OXR1: variants seen among roughly 807,000 people sequenced by gnomAD.
OXR1 encodes oxidation resistance 1.
Under a neutral mutation model 104.6 loss-of-function variants are expected in OXR1, and 41 were observed. The ratio of observed to expected loss-of-function variants is 0.39; its 90% confidence interval spans 0.31 to 0.51. The LOEUF is 0.51. Among genes scored for constraint, OXR1 ranks in the 20% least tolerant of loss-of-function variants. The pLI is 0.77. For synonymous variants in OXR1, 348 were observed against 348.4 expected, an observed-to-expected ratio of 1.00 and a Z score of 0.01; for missense variants, 955 against 1,031.9, an observed-to-expected ratio of 0.93 and a Z score of 1.02.
intron 1 of OXR1, among the ~76,000 whole-genome samples, chr8:106,355,970 AT>A (rs1347288607): frequency 1.4e-4 from 22 of 152,160 alleles, no homozygotes; most frequent in African/African-American, 5.1e-4. Flanking sequence ...ATTCCATATT[AT>A]TGCAATAGAG....
At chr8:106,568,337 A>C (rs1194191486) in intron 3 of OXR1, among the ~76,000 whole-genome samples, 1 of 152,152 alleles carries the variant, frequency 6.6e-6, no homozygotes, top group African/African-American at 2.4e-5. Context: ...TTCACTTATC[A>C]AGTCCTCAAT....
intron 1 of OXR1, among the ~76,000 whole-genome samples, chr8:106,274,681 G>A (rs1485182179): frequency 1.4e-5 from 2 of 139,608 alleles, no homozygotes; most frequent in African/African-American, 5.5e-5. Flanking sequence ...ATGGGGATTT[G>A]TACCTGTCTT....
chr8:106,500,619 C>T (rs1389283152), intron 2 of OXR1, among the ~76,000 whole-genome samples: 1 of 152,190 alleles, frequency 6.6e-6, no homozygotes, highest in African/African-American at 2.4e-5. Context: ...CCTTCTACAA[C>T]TTGGTGTCTG....
chr8:106,624,487 G>A (rs1320304971), intron 3 of OXR1, among the ~76,000 whole-genome samples: 3 of 152,092 alleles, frequency 2.0e-5, no homozygotes, highest in African/African-American at 4.8e-5. Flanking sequence ...AAGCCAGGTG[G>A]TAGAAATTAA....
intron 2 of OXR1, among the ~76,000 whole-genome samples, chr8:106,506,323 G>A (rs931758030): frequency 1.3e-5 from 2 of 152,272 alleles, no homozygotes; most frequent in East Asian, 1.9e-4. Context: ...GGTAAAAACA[G>A]AGAGTTTTGG....
At chr8:106,707,969 AT>A (rs1831306136) in intron 9 of OXR1, among the ~76,000 whole-genome samples, 1 of 152,192 alleles carries the variant, frequency 6.6e-6, no homozygotes, top group African/African-American at 2.4e-5. Context: ...TAACGTAAAT[AT>A]ATTATTTGAA....
At chr8:106,447,744 A>G (rs997008239) in intron 2 of OXR1, among the ~76,000 whole-genome samples, 1 of 152,172 alleles carries the variant, frequency 6.6e-6, no homozygotes, top group African/African-American at 2.4e-5. Context: ...TTTCTCACAT[A>G]CATATCTGAA....
chr8:106,478,772 A>T (rs1402423093), intron 2 of OXR1, among the ~76,000 whole-genome samples: 3 of 151,844 alleles, frequency 2.0e-5, no homozygotes. Flanking sequence ...CTTGCTTTTC[A>T]TTATAAACCC....
chr8:106,587,765 G>A (rs536416376), intron 3 of OXR1, among the ~76,000 whole-genome samples: 1 of 152,064 alleles, frequency 6.6e-6, no homozygotes, highest in African/African-American at 2.4e-5. Flanking sequence ...TTTTTCTTAA[G>A]GGTATAGACT....
intron 2 of OXR1, among the ~76,000 whole-genome samples, chr8:106,424,667 G>T (rs988052063): frequency 6.6e-6 from 1 of 152,060 alleles, no homozygotes; most frequent in Admixed American, 6.6e-5. Flanking sequence ...GGACCATGGG[G>T]TATGTAAAAT....
intron 2 of OXR1, among the ~76,000 whole-genome samples, chr8:106,461,312 C>T (rs889780917): frequency 1.3e-5 from 2 of 152,088 alleles, no homozygotes; most frequent in African/African-American, 4.8e-5. Flanking sequence ...TGGCTCATGC[C>T]TATAATCCCA....
intron 2 of OXR1, among the ~76,000 whole-genome samples, chr8:106,361,956 A>G (rs1816263658): frequency 6.6e-6 from 1 of 152,206 alleles, no homozygotes; most frequent in Non-Finnish European, 1.5e-5. Context: ...TTTGGCTGAT[A>G]ACCATATAAT....
chr8:106,714,193 A>C (rs1467273447), intron 11 of OXR1, among the ~76,000 whole-genome samples: 1 of 152,070 alleles, frequency 6.6e-6, no homozygotes, highest in African/African-American at 2.4e-5. Context: ...GCTTTAAAAT[A>C]CTAGAAAACC....
At chr8:106,566,133 T>C (rs1001306319) in intron 3 of OXR1, among the ~76,000 whole-genome samples, 3 of 152,144 alleles carry the variant, frequency 2.0e-5, no homozygotes, top group Admixed American at 2.0e-4. Flanking sequence ...TGGGATCTAA[T>C]TAAACTAAAG....
chr8:106,591,842 C>T (rs571029592), intron 3 of OXR1, among the ~76,000 whole-genome samples: 2 of 152,306 alleles, frequency 1.3e-5, no homozygotes, highest in East Asian at 3.9e-4. Context: ...TGAAAACATC[C>T]GTTCTTTATC....
chr8:106,368,218 T>C (rs1816558472), intron 2 of OXR1, among the ~76,000 whole-genome samples: 1 of 152,144 alleles, frequency 6.6e-6, no homozygotes, highest in Non-Finnish European at 1.5e-5. Flanking sequence ...ATTCATATTG[T>C]ATCCTTAATA....
In OXR1 at chr8:106,493,490, C is replaced by A. The variant is rs1482338033; in HGVS notation, c.24-25453C>A. On this transcript the variant is annotated intron_variant, in intron 2 of 16. Coordinates refer to ENST00000517566, the MANE Select transcript of OXR1 (RefSeq NM_001198533.2). Reference sequence around the variant, plus strand: ...AAAATGCACTCCCACCAAATCAGAACCTCTGAGGATGGGCCCCAGGAATAA... The same window carrying A: ...AAAATGCACTCCCACCAAATCAGAAACTCTGAGGATGGGCCCCAGGAATAA... 2.1e-5 allele frequency among the ~76,000 whole-genome samples: 3 copies of A among 145,986 alleles called. No individual in the cohort carries two copies. In the Admixed American group the frequency reaches 2.1e-4, roughly 10 times the overall value.
intron 2 of OXR1, among the ~76,000 whole-genome samples, chr8:106,398,206 G>GTCAGTAAT (rs1392117348): frequency 6.6e-6 from 1 of 152,128 alleles, no homozygotes; most frequent in Non-Finnish European, 1.5e-5. Context: ...TGGCTGAGCT[G>GTCAGTAAT]TGGTCTAGAC....
At chr8:106,644,156 C>T (rs887945100) in intron 3 of OXR1, among the ~76,000 whole-genome samples, 9 of 152,146 alleles carry the variant, frequency 5.9e-5, no homozygotes, top group Non-Finnish European at 8.8e-5. Context: ...TCAGCAACTC[C>T]GCATTCTCCC....
Sources: gnomAD v4.1 joint callset for allele counts (sites outside exome capture counted in the v4.1 genomes callset) on GRCh38, gnomAD v4.1.1 for gene constraint, MANE v1.5 for transcripts, NCBI Gene and HGNC (gene_info 2026-07-23, HGNC 2026-07-21) for gene names.